The following POU2AF2 variants were observed in gnomAD, a reference collection of about 807,000 sequenced individuals.
POU2AF2 encodes the protein POU domain class 2-associating factor 2.
chr11:111,272,153 T>A, the POU2AF2 span, among the ~76,000 whole-genome samples: 2 of 152,208 alleles, frequency 1.3e-5, no homozygotes, highest in African/African-American at 4.8e-5. Context: ...TGCTTCTCCC[T>A]CCAGCAACAA....
the POU2AF2 span, among the ~76,000 whole-genome samples, chr11:111,277,600 G>A: frequency 6.6e-6 from 1 of 152,256 alleles, no homozygotes. Flanking sequence ...CTAACATGCT[G>A]AGGGCAAATA....
chr11:111,273,905 G>T, the POU2AF2 span, among the ~76,000 whole-genome samples: 1 of 152,132 alleles, frequency 6.6e-6, no homozygotes, highest in African/African-American at 2.4e-5. Context: ...TGGCTAGCTG[G>T]CATTGCAGGA....
At chr11:111,265,367 C>T in the POU2AF2 span, among the ~76,000 whole-genome samples, 1 of 152,070 alleles carries the variant, frequency 6.6e-6, no homozygotes, top group East Asian at 1.9e-4. Flanking sequence ...TAACATCTTG[C>T]CATTTCTGTT....
the POU2AF2 span, among the ~76,000 whole-genome samples, chr11:111,277,807 A>AGGAGGC: frequency 6.6e-6 from 1 of 152,332 alleles, no homozygotes; most frequent in Non-Finnish European, 1.5e-5. Context: ...TTAACCTGGA[A>AGGAGGC]GGAGGCTGAG....
the POU2AF2 span, among the ~76,000 whole-genome samples, chr11:111,265,067 T>A: frequency 4.6e-5 from 7 of 151,474 alleles, no homozygotes; most frequent in South Asian, 2.1e-4. Context: ...AGGTGAGCAG[T>A]GAGCAGGAGT....
the POU2AF2 span, among the ~76,000 whole-genome samples, chr11:111,264,532 GAA>G: frequency 1.3e-3 from 79 of 62,794 alleles, 3 homozygotes; most frequent in African/African-American, 4.0e-3. Flanking sequence ...AAGAAAGAAA[GAA>G]AGAAAGAAAG....
chr11:111,269,611 C>A, the POU2AF2 span, among the ~76,000 whole-genome samples: 1 of 152,008 alleles, frequency 6.6e-6, no homozygotes, highest in Non-Finnish European at 1.5e-5. Flanking sequence ...GCGGAACAGC[C>A]GTGGCAAGTC....
the POU2AF2 span, among the ~76,000 whole-genome samples, chr11:111,250,949 G>A: frequency 6.6e-6 from 1 of 152,132 alleles, no homozygotes; most frequent in Non-Finnish European, 1.5e-5. Flanking sequence ...CAGGGAACAG[G>A]GTCATGTAAA....
the POU2AF2 span, among the ~76,000 whole-genome samples, chr11:111,247,723 G>C: frequency 6.6e-6 from 1 of 151,934 alleles, no homozygotes; most frequent in East Asian, 2.0e-4. Flanking sequence ...GGAGGTGGAG[G>C]TTGCAGTGAG....
chr11:111,285,786 G>A, the POU2AF2 span: 4 of 1,611,332 alleles, frequency 2.5e-6, no homozygotes, highest in East Asian at 8.9e-5. Context: ...GCCCAGCACA[G>A]GGGCTCAAGC....
the POU2AF2 span, among the ~76,000 whole-genome samples, chr11:111,280,734 G>A: frequency 3.3e-5 from 5 of 152,080 alleles, no homozygotes; most frequent in Admixed American, 6.6e-5. Context: ...AAGAGAAGCC[G>A]GAATGTGCTT....
the POU2AF2 span, among the ~76,000 whole-genome samples, chr11:111,255,203 G>C: frequency 6.6e-6 from 1 of 152,154 alleles, no homozygotes; most frequent in Admixed American, 6.5e-5. Flanking sequence ...ACCGACCTAA[G>C]TCTGGATTCC....
the POU2AF2 span, among the ~76,000 whole-genome samples, chr11:111,270,711 GT>G: frequency 6.6e-6 from 1 of 152,196 alleles, no homozygotes; most frequent in East Asian, 1.9e-4. Context: ...AGTAAGGTTG[GT>G]GATAACAAAG....
the POU2AF2 span, among the ~76,000 whole-genome samples, chr11:111,280,040 C>CAAAAAAAA: frequency 2.8e-5 from 2 of 72,576 alleles, no homozygotes; most frequent in African/African-American, 4.7e-5. Flanking sequence ...GACTCCATCT[C>CAAAAAAAA]AAAAAAAAAA....
the POU2AF2 span, among the ~76,000 whole-genome samples, chr11:111,254,701 C>G: frequency 2.0e-5 from 3 of 152,144 alleles, no homozygotes; most frequent in African/African-American, 7.2e-5. Context: ...TTTTTACAAT[C>G]CAATTTGACT....
At chr11:111,279,334 G>C in the POU2AF2 span, among the ~76,000 whole-genome samples, 1 of 152,166 alleles carries the variant, frequency 6.6e-6, no homozygotes, top group African/African-American at 2.4e-5. Flanking sequence ...TGGTGTCTTA[G>C]GGCTGCAGTA....
At chr11:111,270,671 C>G in the POU2AF2 span, among the ~76,000 whole-genome samples, 1 of 152,070 alleles carries the variant, frequency 6.6e-6, no homozygotes, top group Non-Finnish European at 1.5e-5. Context: ...TGAGGAAGAC[C>G]TGCCAGCCGC....
chr11:111,247,242 T>C, the POU2AF2 span, among the ~76,000 whole-genome samples: 6 of 151,552 alleles, frequency 4.0e-5, no homozygotes, highest in African/African-American at 1.5e-4. Context: ...TATTCATCCA[T>C]CAACAGATGG....
At chr11:111,279,964 C>CT in the POU2AF2 span, among the ~76,000 whole-genome samples, 1 of 148,742 alleles carries the variant, frequency 6.7e-6, no homozygotes, top group Admixed American at 6.8e-5. Context: ...TCACTTGAAT[C>CT]CGGGAGGTGG....
Sources: gnomAD v4.1 joint callset for allele counts (sites outside exome capture counted in the v4.1 genomes callset) on GRCh38, gnomAD v4.1.1 for gene constraint, MANE v1.5 for transcripts, NCBI Gene and HGNC (gene_info 2026-07-23, HGNC 2026-07-21) for gene names.